Variants in COL5A2 observed in about 807,000 individuals in gnomAD.
COL5A2 encodes collagen alpha-2(V) chain.
In COL5A2, 23 loss-of-function variants were observed where a neutral mutation model predicts 208.2. The ratio of observed to expected loss-of-function variants is 0.11; its 90% CI spans 0.08 to 0.16. The LOEUF (loss-of-function observed/expected upper bound fraction) is 0.16. COL5A2 is among the 10% of genes least tolerant of loss of function. The pLI, the probability that COL5A2 is intolerant of heterozygous loss-of-function variation, is 1.00. For synonymous variants in COL5A2, 625 were observed against 628.5 expected (o/e 0.99, Z 0.08); for missense variants, 1,590 against 1,956.4 (o/e 0.81, Z 3.53).
At chr2:189,278,319 AT>A in the COL5A2 span, among the ~76,000 whole-genome samples, 1 of 152,024 alleles carries the variant, frequency 6.6e-6, no homozygotes, top group East Asian at 1.9e-4. Flanking sequence ...TACGGTAGAT[AT>A]TTTCATCTTA....
intron 45 of COL5A2, among the ~76,000 whole-genome samples, chr2:189,046,720 T>A (rs1322774118): frequency 3.3e-5 from 5 of 152,072 alleles, no homozygotes; most frequent in Admixed American, 6.6e-5. Context: ...CTTATTTGAC[T>A]GATAAATTTA....
At chr2:189,143,742 C>T (rs566669871) in intron 1 of COL5A2, among the ~76,000 whole-genome samples, 14 of 151,996 alleles carry the variant, frequency 9.2e-5, no homozygotes, top group African/African-American at 2.4e-4. Context: ...GAAAGAGAGA[C>T]GTGTGGAGGT....
the COL5A2 span, among the ~76,000 whole-genome samples, chr2:189,299,923 G>A: frequency 1.3e-5 from 2 of 152,114 alleles, no homozygotes; most frequent in Non-Finnish European, 2.9e-5. Context: ...GTGCAAAGTG[G>A]AACTAGAGAC....
At chr2:189,130,798 TA>T (rs1227145868) in intron 1 of COL5A2, among the ~76,000 whole-genome samples, 1 of 152,054 alleles carries the variant, frequency 6.6e-6, no homozygotes, top group African/African-American at 2.4e-5. Context: ...ATTTAGTTTA[TA>T]AAGCCCAAGT....
chr2:189,360,459 T>C, the COL5A2 span, among the ~76,000 whole-genome samples: 2 of 152,138 alleles, frequency 1.3e-5, no homozygotes, highest in Admixed American at 6.5e-5. Flanking sequence ...CTCTAGGAAA[T>C]TTTTAATTTC....
At chr2:189,408,063 A>T in the COL5A2 span, among the ~76,000 whole-genome samples, 1 of 152,138 alleles carries the variant, frequency 6.6e-6, no homozygotes, top group Non-Finnish European at 1.5e-5. Context: ...TTACCTGGCC[A>T]TCCTTGACCT....
chr2:189,176,100 T>C (rs1330611894), intron 1 of COL5A2, among the ~76,000 whole-genome samples: 1 of 152,144 alleles, frequency 6.6e-6, no homozygotes, highest in Non-Finnish European at 1.5e-5. Flanking sequence ...ATCGTAACAA[T>C]GAGATAAATG....
chr2:189,100,131 CT>C lies in COL5A2; in HGVS notation c.344del (p.Lys115ArgfsTer6). On this transcript the variant is annotated frameshift_variant, in exon 4 of 54. Coordinates refer to ENST00000374866, the MANE Select transcript of COL5A2 (RefSeq NM_000393.5). LOFTEE classifies it high-confidence loss of function. ...CAACAGGCACTAATCCTGGTTCTCC[CT>C]TTTGTCCCTGTGACATTAAAAACAA... Reference protein sequence around the residue: ...TNFGRGRKGQKGEPGLVPVVT... With the variant: ...TNFGRGRKGQXGEPGLVPVVT... 1 of 1,611,178 alleles carries C rather than the reference CT, an allele frequency of 6.2e-7. No homozygotes were observed. The highest frequency in any genetic ancestry group is 1.1e-5 in the South Asian group (1 of 90,994).
chr2:189,206,757 G>A (rs1262278469), intron 1 of COL5A2, among the ~76,000 whole-genome samples: 1 of 136,620 alleles, frequency 7.3e-6, no homozygotes, highest in African/African-American at 2.5e-5. Context: ...GGCATGAAGA[G>A]CCACAGAGGA....
At chr2:189,302,009 T>G in the COL5A2 span, among the ~76,000 whole-genome samples, 5,327 of 152,228 alleles carry the variant, frequency 0.035, 107 homozygotes, top group Admixed American at 0.049. Flanking sequence ...ATTGAATAAC[T>G]ATTTATTTGA....
chr2:189,409,060 G>C, the COL5A2 span, among the ~76,000 whole-genome samples: 1 of 151,962 alleles, frequency 6.6e-6, no homozygotes. Context: ...TCCTTCTTTA[G>C]AGATATACTT....
chr2:189,238,539 A>G, the COL5A2 span, among the ~76,000 whole-genome samples: 1 of 152,062 alleles, frequency 6.6e-6, no homozygotes, highest in African/African-American at 2.4e-5. Context: ...GTATTAGTCC[A>G]TTTTCATACT....
intron 1 of COL5A2, among the ~76,000 whole-genome samples, chr2:189,189,982 G>T (rs374423928): frequency 2.6e-5 from 4 of 152,052 alleles, no homozygotes; most frequent in East Asian, 1.9e-4. Flanking sequence ...GCAAAAAAAA[G>T]TTGGTGAAAG....
chr2:189,378,552 G>A, the COL5A2 span, among the ~76,000 whole-genome samples: 2 of 151,882 alleles, frequency 1.3e-5, no homozygotes, highest in African/African-American at 2.4e-5. Flanking sequence ...GTGAAACCCC[G>A]TCTCTACTAA....
chr2:189,338,374 C>G, the COL5A2 span, among the ~76,000 whole-genome samples: 2 of 152,132 alleles, frequency 1.3e-5, no homozygotes, highest in African/African-American at 4.8e-5. Context: ...TTTGTCTAAC[C>G]CCAGCTCTCT....
At chr2:189,190,663 G>T (rs145613617) in intron 1 of COL5A2, among the ~76,000 whole-genome samples, 1 of 152,140 alleles carries the variant, frequency 6.6e-6, no homozygotes, top group African/African-American at 2.4e-5. Context: ...AATAATTTGG[G>T]ACACTGAAAT....
rs77371445 is a variant in COL5A2 at position 189,056,207 on chromosome 2, T to C, written c.2391+766A>G. Among the ~76,000 whole-genome samples the C allele has an allele frequency of 9.3e-3, 1,409 of 152,250 alleles. 19 individuals are homozygous for C. The highest frequency in any genetic ancestry group is 0.032 in the African/African-American group (1,323 of 41,550). On this transcript the variant is annotated intron_variant, in intron 35 of 53. Coordinates refer to ENST00000374866, the MANE Select transcript of COL5A2 (RefSeq NM_000393.5). Reference sequence around the variant, plus strand: ...CTCTTTTATTATGTTACAACTGTAATTGCCAGGGCACACATGACAACTAAC... The same window carrying C: ...CTCTTTTATTATGTTACAACTGTAACTGCCAGGGCACACATGACAACTAAC...
intron 8 of COL5A2, 66 bp from the exon 9 acceptor site, chr2:189,086,836 T>C (rs374224856): frequency 2.1e-4 from 278 of 1,321,618 alleles, no homozygotes; most frequent in Admixed American, 9.9e-4. Context: ...ATTTCAAAAA[T>C]GTTGAATCAT....
At chr2:189,402,547 T>C in the COL5A2 span, among the ~76,000 whole-genome samples, 1 of 152,356 alleles carries the variant, frequency 6.6e-6, no homozygotes, top group East Asian at 1.9e-4. Flanking sequence ...TTTCAATCTT[T>C]AATCCATCTT....
Sources: allele counts gnomAD v4.1 joint callset (sites outside exome capture counted in the v4.1 genomes callset), GRCh38; gene constraint gnomAD v4.1.1; transcripts MANE v1.5; gene names NCBI Gene and HGNC (gene_info 2026-07-23, HGNC 2026-07-21).